Variants in HOMER2 observed in about 807,000 individuals in gnomAD.
HOMER2 encodes the protein homer scaffold protein 2.
Under a neutral mutation model 47.0 loss-of-function variants are expected in HOMER2, and 27 were observed. That is an observed-to-expected ratio of 0.57 (90% CI 0.42 to 0.79). The LOEUF (loss-of-function observed/expected upper bound fraction) is 0.79, where lower values mean the gene tolerates loss of function less well. Among genes scored for constraint, HOMER2 ranks in the 30% least tolerant of loss-of-function variants. The pLI is 0.00. For missense variants in HOMER2, 443 were observed against 435.0 expected, an observed-to-expected ratio of 1.02 and a Z score of -0.16; for synonymous variants, 161 against 163.8, an observed-to-expected ratio of 0.98 and a Z score of 0.13.
intron 1 of HOMER2, among the ~76,000 whole-genome samples, chr15:82,919,840 C>A (rs1399207303): frequency 4.6e-5 from 7 of 152,350 alleles, no homozygotes; most frequent in Non-Finnish European, 8.8e-5. Flanking sequence ...TTCTAGCACT[C>A]TCCCAGTTGT....
At chr15:82,965,069 G>A (rs1475910869) in intron 1 of HOMER2, among the ~76,000 whole-genome samples, 4 of 151,988 alleles carry the variant, frequency 2.6e-5, no homozygotes, top group Non-Finnish European at 5.9e-5. Context: ...GTCCAGGCTG[G>A]AGTGCAGTGG....
At position 82,941,053 on chromosome 15, in the gene HOMER2, C is replaced by A. The variant is rs187158502; in HGVS notation, c.5+11478G>T. 2.0e-5 allele frequency among the ~76,000 whole-genome samples: 3 copies of A among 152,300 alleles called. No individual in the cohort carries two copies. The East Asian group carries it at 5.8e-4, about 29-fold the overall frequency. On this transcript the variant is annotated intron_variant, in intron 1 of 8. Transcript: ENST00000450735. Reference sequence around the variant, plus strand: ...TATATAAATCTGCTATATCAGCTTTCTCTCTCTATCCCTTCAGTTCTTGCC... The same window carrying A: ...TATATAAATCTGCTATATCAGCTTTATCTCTCTATCCCTTCAGTTCTTGCC...
At chr15:82,947,050 G>C (rs913950270) in intron 1 of HOMER2, among the ~76,000 whole-genome samples, 3 of 152,192 alleles carry the variant, frequency 2.0e-5, no homozygotes, top group African/African-American at 4.8e-5. Flanking sequence ...AGCTCCCCAA[G>C]GGCAGGAACT....
At chr15:82,850,348 C>T (rs1392849335) in intron 8 of HOMER2, among the ~76,000 whole-genome samples, 1 of 152,240 alleles carries the variant, frequency 6.6e-6, no homozygotes, top group African/African-American at 2.4e-5. Context: ...GCCTCCTCAG[C>T]CCCAGGCCAG....
intron 1 of HOMER2, among the ~76,000 whole-genome samples, chr15:82,906,651 C>T (rs1286065279): frequency 6.6e-6 from 1 of 152,166 alleles, no homozygotes; most frequent in East Asian, 1.9e-4. Context: ...TCAGGCTGGT[C>T]TTGAACTCCC....
At chr15:82,981,187 A>G (rs565082701) in intron 1 of HOMER2, among the ~76,000 whole-genome samples, 1 of 152,314 alleles carries the variant, frequency 6.6e-6, no homozygotes, top group Admixed American at 6.5e-5. Context: ...TTCCTGTCCC[A>G]TTTGACAGGC....
At chr15:82,855,734 G>T (rs887134073) in intron 5 of HOMER2, among the ~76,000 whole-genome samples, 1 of 152,224 alleles carries the variant, frequency 6.6e-6, no homozygotes, top group Non-Finnish European at 1.5e-5. Context: ...GGGGTGTGAG[G>T]AGACCAGGAA....
chr15:82,849,820 G>C lies in HOMER2; in HGVS notation c.927C>G (p.Arg309=), dbSNP rs749153489. ...AGCTCTTCAACTCCACCTTCAGGTGGCGCTGTCGGTATTTGCTCTCCTCAA... is the reference window on the plus strand; with the variant it reads ...AGCTCTTCAACTCCACCTTCAGGTGCCGCTGTCGGTATTTGCTCTCCTCAA... ...TDIEESKYRQ[R]HLKVELKSFL... is the part of the protein sequence containing the mutation. The change falls in exon 9 of 9, where the codon CGC becomes CGG. Residue 309 remains arginine, a synonymous_variant. Coordinates refer to ENST00000450735, the MANE Select transcript of HOMER2 (RefSeq NM_004839.4). 34 of 1,613,870 alleles carry C rather than the reference G, an allele frequency of 2.1e-5. No homozygotes were observed. The highest frequency in any genetic ancestry group is 2.9e-5 in the Non-Finnish European group (34 of 1,179,874).
chr15:82,897,828 T>C (rs1459892386), intron 1 of HOMER2, among the ~76,000 whole-genome samples: 1 of 152,228 alleles, frequency 6.6e-6, no homozygotes, highest in Non-Finnish European at 1.5e-5. Context: ...TTTCCATATG[T>C]GAGCCTTCAG....
At chr15:82,837,587 G>A (rs1245991309) in exon 2 of HOMER2, 1 of 152,216 alleles carries the variant, frequency 6.6e-6, no homozygotes, top group East Asian at 1.9e-4. Context: ...TCCTCCTGGG[G>A]TCAGCGATCC....
chr15:82,854,135 T>G (rs1427611779), intron 6 of HOMER2, among the ~76,000 whole-genome samples: 1 of 152,186 alleles, frequency 6.6e-6, no homozygotes, highest in African/African-American at 2.4e-5. Context: ...CCAGGCACAG[T>G]GGTTCACGCC....
intron 1 of HOMER2, among the ~76,000 whole-genome samples, chr15:82,929,152 T>G (rs1488471601): frequency 6.6e-6 from 1 of 152,010 alleles, no homozygotes; most frequent in Non-Finnish European, 1.5e-5. Flanking sequence ...CCTAACAGGC[T>G]TAACTTATTT....
intron 3 of HOMER2, among the ~76,000 whole-genome samples, chr15:82,865,895 G>C (rs1223080830): frequency 6.6e-6 from 1 of 152,220 alleles, no homozygotes; most frequent in Non-Finnish European, 1.5e-5. Flanking sequence ...TGTATGTCCA[G>C]GCAGAAGTTT....
At chr15:82,837,607 G>A (rs554309079) in exon 2 of HOMER2, 1 of 152,312 alleles carries the variant, frequency 6.6e-6, no homozygotes, top group South Asian at 2.1e-4. Context: ...CTGAAGCCTG[G>A]TATTCATGAG....
At chr15:82,879,204 G>C (rs767411346) in intron 2 of HOMER2, among the ~76,000 whole-genome samples, 2 of 152,038 alleles carry the variant, frequency 1.3e-5, no homozygotes, top group Admixed American at 1.3e-4. Context: ...CTGTTTCCTT[G>C]AATATATTAA....
At chr15:82,934,832 T>C (rs1240466054) in intron 1 of HOMER2, among the ~76,000 whole-genome samples, 1 of 152,228 alleles carries the variant, frequency 6.6e-6, no homozygotes, top group Non-Finnish European at 1.5e-5. Flanking sequence ...GTTTCTCTGG[T>C]AGCCTTGCCG....
intron 1 of HOMER2, among the ~76,000 whole-genome samples, chr15:82,904,802 C>G (rs2053239792): frequency 6.6e-6 from 1 of 152,146 alleles, no homozygotes; most frequent in Non-Finnish European, 1.5e-5. Context: ...ACCTTATCAC[C>G]ACATTACTAA....
intron 1 of HOMER2, among the ~76,000 whole-genome samples, chr15:82,908,811 TCTGGCTTGGGCAA>T (rs1449964617): frequency 6.6e-6 from 1 of 152,020 alleles, no homozygotes; most frequent in African/African-American, 2.4e-5. Context: ...CTCTAAATTG[TCTGGCTTGGGCAA>T]CTGAGAGGAG....
chr15:82,928,825 G>C (rs909676051), intron 1 of HOMER2, among the ~76,000 whole-genome samples: 1 of 150,938 alleles, frequency 6.6e-6, no homozygotes. Flanking sequence ...TGAGAAACCA[G>C]TCCCGAAAAC....
Sources: allele counts gnomAD v4.1 joint callset (sites outside exome capture counted in the v4.1 genomes callset), GRCh38; gene constraint gnomAD v4.1.1; transcripts MANE v1.5; gene names NCBI Gene and HGNC (gene_info 2026-07-23, HGNC 2026-07-21).